ERC2: variants seen among roughly 807,000 people sequenced by gnomAD.
ERC2 encodes ERC protein 2.
Under a neutral mutation model 114.8 loss-of-function variants are expected in ERC2, and 42 were observed. That is an observed-to-expected ratio of 0.37 (90% CI 0.29 to 0.47). The LOEUF is 0.47. Ranked by LOEUF, ERC2 falls within the 20% of genes least tolerant of loss-of-function variation. ERC2 has a pLI of 0.99. For synonymous variants in ERC2, 454 were observed against 425.5 expected (o/e 1.07, Z -0.82); for missense variants, 939 against 1,150.7 (o/e 0.82, Z 2.66).
At chr3:55,722,527 A>G (rs1440678477) in intron 15 of ERC2, among the ~76,000 whole-genome samples, 1 of 152,134 alleles carries the variant, frequency 6.6e-6, no homozygotes, top group Non-Finnish European at 1.5e-5. Context: ...GGTTTTTCCC[A>G]TAGTATTTAT....
At chr3:55,649,532 T>C (rs1461890359) in intron 17 of ERC2, among the ~76,000 whole-genome samples, 1 of 152,178 alleles carries the variant, frequency 6.6e-6, no homozygotes, top group African/African-American at 2.4e-5. Context: ...AGTGCTGGGA[T>C]TACAGGTGTG....
intron 14 of ERC2, among the ~76,000 whole-genome samples, chr3:55,743,350 A>G (rs536824305): frequency 6.6e-6 from 1 of 152,350 alleles, no homozygotes; most frequent in Non-Finnish European, 1.5e-5. Flanking sequence ...AAATGCCAGC[A>G]TCATTTGGCA....
intron 14 of ERC2, among the ~76,000 whole-genome samples, chr3:55,814,943 C>A (rs564655998): frequency 6.6e-6 from 1 of 152,166 alleles, no homozygotes; most frequent in South Asian, 2.1e-4. Context: ...AGACAAGATA[C>A]CCCATCCAGA....
rs1403711631 is a variant in ERC2 at position 55,907,249 on chromosome 3, G to T, written c.2404-18700C>A. Among the ~76,000 whole-genome samples, 4 of 152,182 alleles carry T rather than the reference G, an allele frequency of 2.6e-5. No individual in the cohort carries two copies. In the South Asian group the frequency reaches 6.2e-4, roughly 24 times the overall value. ...TTCAAAAACATGCTGGGTAGAGAAA[G>T]AATGCAAGACTTAGAGTTAAGAAAG... On this transcript the variant is annotated intron_variant, in intron 13 of 17. Transcript: ENST00000288221.
At chr3:55,891,079 G>A (rs2063575052) in intron 13 of ERC2, among the ~76,000 whole-genome samples, 1 of 152,220 alleles carries the variant, frequency 6.6e-6, no homozygotes, top group Admixed American at 6.5e-5. Flanking sequence ...GATCATTAGG[G>A]TGGTTTCACA....
At chr3:55,676,492 T>C (rs1221881038) in intron 17 of ERC2, among the ~76,000 whole-genome samples, 1 of 149,098 alleles carries the variant, frequency 6.7e-6, no homozygotes, top group Non-Finnish European at 1.5e-5. Context: ...AGCATTCAGC[T>C]TTTCATATCC....
At chr3:56,118,102 G>C (rs111573361) in intron 6 of ERC2, among the ~76,000 whole-genome samples, 6 of 152,306 alleles carry the variant, frequency 3.9e-5, no homozygotes, top group African/African-American at 1.4e-4. Flanking sequence ...AGACTGGCTG[G>C]AGTTACAATC....
intron 2 of ERC2, among the ~76,000 whole-genome samples, chr3:56,329,775 T>C (rs1218503280): frequency 6.8e-6 from 1 of 146,924 alleles, no homozygotes; most frequent in Non-Finnish European, 1.5e-5. Context: ...TATTCTCATA[T>C]ATATGTATTT....
chr3:55,785,784 C>T (rs1279541712), intron 14 of ERC2, among the ~76,000 whole-genome samples: 2 of 152,210 alleles, frequency 1.3e-5, no homozygotes, highest in Admixed American at 6.5e-5. Flanking sequence ...GTCTTTTCTC[C>T]TGCCCCGCTG....
In ERC2 at chr3:56,028,291, C is replaced by T. The variant is rs373882650; in HGVS notation, c.1642-9260G>A. Among the ~76,000 whole-genome samples, 13 of 152,124 alleles carry T rather than the reference C, an allele frequency of 8.5e-5. No individual in the cohort carries two copies. In the South Asian group the frequency reaches 2.7e-3, roughly 32 times the overall value. On this transcript the variant is annotated intron_variant, in intron 7 of 17. Coordinates refer to ENST00000288221, the MANE Select transcript of ERC2 (RefSeq NM_015576.3). ...TGTTTTAGTTATTCGGGGGGTTATG[C>T]CTTTTCATAAGAAATTTATAAAAAG... is the stretch of plus-strand genomic sequence containing the variant.
Position 56,198,704 on chromosome 3 carries a change from G to A in ERC2, c.1075-25184C>T, listed in dbSNP as rs571506189. ...ACAAGTTGTTTCTTAGGCCTCTGAC[G>A]TTCAGTCAAAATATGCCCAGTTGGC... On this transcript the variant is annotated intron_variant, in intron 3 of 17. Coordinates refer to ENST00000288221, the MANE Select transcript of ERC2 (RefSeq NM_015576.3). 2.0e-4 allele frequency among the ~76,000 whole-genome samples: 31 copies of A among 152,302 alleles called. 1 individual carries two copies. In the South Asian group the frequency reaches 4.8e-3, roughly 23 times the overall value.
At chr3:55,801,799 A>G (rs888393727) in intron 14 of ERC2, among the ~76,000 whole-genome samples, 2 of 152,234 alleles carry the variant, frequency 1.3e-5, no homozygotes, top group African/African-American at 4.8e-5. Context: ...CATTAAACCA[A>G]GTACAAGGCT....
intron 3 of ERC2, among the ~76,000 whole-genome samples, chr3:56,220,185 G>A (rs867237266): frequency 1.3e-5 from 2 of 152,094 alleles, no homozygotes; most frequent in Middle Eastern, 3.2e-3. Flanking sequence ...AAGACCAGCA[G>A]CACACACAGG....
At chr3:56,223,403 A>G (rs1016025656) in intron 3 of ERC2, among the ~76,000 whole-genome samples, 3 of 151,928 alleles carry the variant, frequency 2.0e-5, no homozygotes, top group African/African-American at 7.3e-5. Flanking sequence ...CAAAACCAAG[A>G]TGGCACATAA....
intron 17 of ERC2, among the ~76,000 whole-genome samples, chr3:55,523,227 T>C (rs1157553649): frequency 6.6e-6 from 1 of 152,232 alleles, no homozygotes; most frequent in African/African-American, 2.4e-5. Flanking sequence ...GGAAGACCCA[T>C]GGATATACCA....
intron 7 of ERC2, among the ~76,000 whole-genome samples, chr3:56,039,348 T>C (rs1362473579): frequency 1.3e-5 from 2 of 152,158 alleles, no homozygotes; most frequent in South Asian, 2.1e-4. Context: ...CATCTCTATA[T>C]ACTAACAACA....
At chr3:55,875,349 T>G (rs1006340562) in intron 14 of ERC2, among the ~76,000 whole-genome samples, 6 of 152,188 alleles carry the variant, frequency 3.9e-5, no homozygotes, top group African/African-American at 1.4e-4. Context: ...CTGGCTGCAG[T>G]GCACTCTGCA....
intron 13 of ERC2, among the ~76,000 whole-genome samples, chr3:55,948,676 T>C (rs2067286580): frequency 6.6e-6 from 1 of 152,206 alleles, no homozygotes; most frequent in Admixed American, 6.5e-5. Context: ...TATCAAGGCC[T>C]CTTATGAAAA....
At chr3:56,463,346 T>A (rs1290947170) in intron 1 of ERC2, among the ~76,000 whole-genome samples, 3 of 152,204 alleles carry the variant, frequency 2.0e-5, no homozygotes, top group Non-Finnish European at 4.4e-5. Context: ...AGCTGAAAAG[T>A]TCTTGGAGTA....
Sources: gnomAD v4.1 joint callset for allele counts (sites outside exome capture counted in the v4.1 genomes callset) on GRCh38, gnomAD v4.1.1 for gene constraint, MANE v1.5 for transcripts, NCBI Gene and HGNC (gene_info 2026-07-23, HGNC 2026-07-21) for gene names.